Variants in CLMP observed in about 807,000 individuals in gnomAD.
CLMP encodes CXADR like cell adhesion molecule.
CLMP carries 27 observed loss-of-function variants against 45.2 expected under a neutral mutation model. The ratio of observed to expected loss-of-function variants is 0.60; its 90% CI spans 0.44 to 0.82. CLMP has a LOEUF of 0.82. CLMP is among the 40% of genes least tolerant of loss of function. CLMP has a pLI of 0.00. For missense variants in CLMP, 403 were observed against 448.4 expected (o/e 0.90, Z 0.91); for synonymous variants, 167 against 171.4 (o/e 0.97, Z 0.20).
At chr11:123,112,255 A>C (rs570249503) in intron 1 of CLMP, among the ~76,000 whole-genome samples, 5 of 152,182 alleles carry the variant, frequency 3.3e-5, no homozygotes, top group Non-Finnish European at 7.3e-5. Context: ...GTAATGTAGA[A>C]TCTCAAGCTT....
At chr11:123,176,922 A>G (rs1861707832) in intron 1 of CLMP, among the ~76,000 whole-genome samples, 1 of 152,340 alleles carries the variant, frequency 6.6e-6, no homozygotes, top group South Asian at 2.1e-4. Flanking sequence ...TTCAACAAGT[A>G]CCCACTGAGT....
At chr11:123,112,769 C>CCT (rs1860657355) in intron 1 of CLMP, among the ~76,000 whole-genome samples, 1 of 128,542 alleles carries the variant, frequency 7.8e-6, no homozygotes, top group Non-Finnish European at 1.6e-5. Context: ...TGTTAGTACC[C>CCT]ATTTTTTTTT....
At chr11:123,158,146 C>A (rs1861440354) in intron 1 of CLMP, among the ~76,000 whole-genome samples, 1 of 152,146 alleles carries the variant, frequency 6.6e-6, no homozygotes, top group African/African-American at 2.4e-5. Flanking sequence ...GCCCCTATTG[C>A]ACGGTTAGGC....
intron 1 of CLMP, among the ~76,000 whole-genome samples, chr11:123,149,790 C>CTTT (rs1565397092): frequency 1.3e-5 from 2 of 149,786 alleles, no homozygotes; most frequent in Admixed American, 6.7e-5. Context: ...TTTCTTTCTT[C>CTTT]CTTTCTTTCT....
intron 5 of CLMP, among the ~76,000 whole-genome samples, chr11:123,076,800 C>T (rs1865745564): frequency 6.6e-6 from 1 of 151,982 alleles, no homozygotes; most frequent in African/African-American, 2.4e-5. Flanking sequence ...GACAGTACAC[C>T]ATGGCTGCTC....
At chr11:123,193,341 A>G (rs1368300200) in intron 1 of CLMP, among the ~76,000 whole-genome samples, 1 of 152,240 alleles carries the variant, frequency 6.6e-6, no homozygotes, top group Non-Finnish European at 1.5e-5. Flanking sequence ...AAGATAGTAC[A>G]TATAAAGTGT....
intron 1 of CLMP, among the ~76,000 whole-genome samples, chr11:123,184,981 G>T (rs771875026): frequency 2.0e-5 from 3 of 152,162 alleles, no homozygotes; most frequent in Non-Finnish European, 2.9e-5. Flanking sequence ...TGTGGACAAG[G>T]TGCTCTCGGG....
At chr11:123,112,931 G>A (rs952194529) in intron 1 of CLMP, among the ~76,000 whole-genome samples, 12 of 151,862 alleles carry the variant, frequency 7.9e-5, no homozygotes, top group African/African-American at 2.9e-4. Flanking sequence ...CCGCCACCAC[G>A]CCCTGCTAAT....
chr11:123,109,350 ATGTTATCATT>A (rs894393608), intron 1 of CLMP, among the ~76,000 whole-genome samples: 29 of 152,302 alleles, frequency 1.9e-4, no homozygotes, highest in Admixed American at 6.5e-4. Context: ...CGTGACTCAA[ATGTTATCATT>A]TGTTATCGAT....
intron 1 of CLMP, among the ~76,000 whole-genome samples, chr11:123,180,253 G>A (rs548090837): frequency 1.3e-5 from 2 of 152,330 alleles, no homozygotes; most frequent in South Asian, 4.1e-4. Flanking sequence ...CAGTAAACAA[G>A]TACATTGGCA....
At chr11:123,109,383 G>A (rs571911513) in intron 1 of CLMP, among the ~76,000 whole-genome samples, 205 of 147,664 alleles carry the variant, frequency 1.4e-3, no homozygotes, top group African/African-American at 5.2e-3. Context: ...GAGCCCGTGA[G>A]AGCCAATGTT....
At chr11:123,137,235 G>T (rs1275825309) in intron 1 of CLMP, among the ~76,000 whole-genome samples, 1 of 134,202 alleles carries the variant, frequency 7.5e-6, no homozygotes, top group African/African-American at 2.8e-5. Context: ...CTCACTGCAA[G>T]CTCCGCCTCC....
chr11:123,132,412 T>C (rs558303078), intron 1 of CLMP, among the ~76,000 whole-genome samples: 47 of 152,282 alleles, frequency 3.1e-4, no homozygotes, highest in South Asian at 1.2e-3. Flanking sequence ...TCTGAGGTGA[T>C]AACTTTTTCC....
chr11:123,194,375 C>T (rs1400554195), intron 1 of CLMP, among the ~76,000 whole-genome samples: 2 of 152,020 alleles, frequency 1.3e-5, no homozygotes. Flanking sequence ...AACCCTTCCC[C>T]TTTCCCCTTT....
At chr11:123,076,675 G>GGA (rs768533859) in intron 5 of CLMP, among the ~76,000 whole-genome samples, 52 of 152,260 alleles carry the variant, frequency 3.4e-4, no homozygotes, top group Non-Finnish European at 6.5e-4. Flanking sequence ...AGTGAGCAAG[G>GGA]GAGAGTAGAG....
chr11:123,159,168 A>T lies in CLMP; in HGVS notation c.28+35745T>A, dbSNP rs76205755. ...TGGATGTGTGTATGTTATTTAAAAAATACCTAAAATGGTGTTTGGAAAGCC... is the reference window on the plus strand; with the variant it reads ...TGGATGTGTGTATGTTATTTAAAAATTACCTAAAATGGTGTTTGGAAAGCC... On this transcript the variant is annotated intron_variant, in intron 1 of 6. Transcript: ENST00000448775. Among the ~76,000 whole-genome samples, 213 of 152,376 alleles carry T rather than the reference A, an allele frequency of 1.4e-3. 1 individual carries two copies. The highest frequency in any genetic ancestry group is 4.8e-3 in the African/African-American group (201 of 41,596).
intron 1 of CLMP, among the ~76,000 whole-genome samples, chr11:123,107,994 A>T (rs550902707): frequency 8.2e-6 from 1 of 122,608 alleles, no homozygotes; most frequent in African/African-American, 2.9e-5. Flanking sequence ...GACTGCAGTG[A>T]GTAAGGATGG....
chr11:123,192,243 A>G (rs1861917833), intron 1 of CLMP, among the ~76,000 whole-genome samples: 1 of 152,240 alleles, frequency 6.6e-6, no homozygotes, highest in Admixed American at 6.5e-5. Flanking sequence ...CTTTGATGTC[A>G]GAATGAAGTG....
In CLMP at chr11:123,097,934, G is replaced by C; in HGVS notation, c.47C>G (p.Thr16Ser). 4 of 1,565,494 alleles carry C rather than the reference G, an allele frequency of 2.6e-6. No homozygotes were observed. The highest frequency in any genetic ancestry group is 3.5e-6 in the Non-Finnish European group (4 of 1,154,748). Residue 16 changes from threonine to serine, a missense_variant, in exon 2 of 7, where the codon ACC (threonine) becomes AGC (serine). Coordinates refer to ENST00000448775, the MANE Select transcript of CLMP (RefSeq NM_024769.5). ...CTTGATCTCAGTGTGAGTCCCCAAG[G>C]TTCCAACATAGTAGGAAACTGGAAG... is the stretch of plus-strand genomic sequence containing the variant. ...LLLLVSYYVG[T>S]LGTHTEIKRV... is the part of the protein sequence containing the mutation.
Sources: gnomAD v4.1 joint callset for allele counts (sites outside exome capture counted in the v4.1 genomes callset) on GRCh38, gnomAD v4.1.1 for gene constraint, MANE v1.5 for transcripts, NCBI Gene and HGNC (gene_info 2026-07-23, HGNC 2026-07-21) for gene names.